LDLRAD4: variants seen among roughly 807,000 people sequenced by gnomAD.
LDLRAD4 encodes the protein low-density lipoprotein receptor class A domain-containing protein 4.
LDLRAD4 carries 5 observed loss-of-function variants against 17.0 expected under a neutral mutation model. That is an observed-to-expected ratio of 0.29 (90% CI 0.15 to 0.62). The LOEUF (loss-of-function observed/expected upper bound fraction) is 0.62. Ranked by LOEUF, LDLRAD4 falls within the 20% of genes least tolerant of loss-of-function variation. The pLI, the probability that LDLRAD4 is intolerant of heterozygous loss-of-function variation, is 0.84. For missense variants in LDLRAD4, 340 were observed against 424.7 expected, an observed-to-expected ratio of 0.80 and a Z score of 1.75; for synonymous variants, 168 against 171.8, an observed-to-expected ratio of 0.98 and a Z score of 0.17.
intron 3 of LDLRAD4, among the ~76,000 whole-genome samples, chr18:13,619,344 C>A (rs765650381): frequency 3.3e-5 from 5 of 152,078 alleles, no homozygotes; most frequent in Middle Eastern, 3.2e-3. Flanking sequence ...CTTCCCATGG[C>A]CTGTGAGCAG....
chr18:13,594,815 T>G (rs1438354781), intron 3 of LDLRAD4, among the ~76,000 whole-genome samples: 2 of 152,128 alleles, frequency 1.3e-5, no homozygotes, highest in Non-Finnish European at 2.9e-5. Flanking sequence ...GAATTAGTAT[T>G]AACTCTTCTT....
intron 3 of LDLRAD4, among the ~76,000 whole-genome samples, chr18:13,442,330 G>A (rs1050143682): frequency 2.0e-5 from 3 of 152,150 alleles, no homozygotes; most frequent in African/African-American, 7.2e-5. Flanking sequence ...CCAGTCATTC[G>A]TAGTTCAGGG....
intron 3 of LDLRAD4, among the ~76,000 whole-genome samples, chr18:13,500,246 A>G (rs2093589738): frequency 6.9e-6 from 1 of 145,924 alleles, no homozygotes; most frequent in Admixed American, 6.8e-5. Flanking sequence ...ACGGCCCGGG[A>G]ATAGCAGCTG....
intron 4 of LDLRAD4, chr18:13,642,775 T>C (rs1297040498): frequency 2.5e-6 from 3 of 1,224,276 alleles, no homozygotes; most frequent in Non-Finnish European, 3.1e-6. Context: ...GAGTGAGCCA[T>C]ATTCCACTTC....
chr18:13,635,804 C>T (rs1001522814), intron 4 of LDLRAD4, among the ~76,000 whole-genome samples: 1 of 152,202 alleles, frequency 6.6e-6, no homozygotes, highest in African/African-American at 2.4e-5. Context: ...CAGGGTGGTC[C>T]CTGGGTCTGG....
chr18:13,580,594 A>G (rs1314552747), intron 3 of LDLRAD4, among the ~76,000 whole-genome samples: 2 of 152,078 alleles, frequency 1.3e-5, no homozygotes, highest in East Asian at 3.9e-4. Flanking sequence ...TGGAATGTGC[A>G]GGCGATGGCA....
At chr18:13,474,424 A>C (rs2146829780) in intron 3 of LDLRAD4, among the ~76,000 whole-genome samples, 1 of 152,320 alleles carries the variant, frequency 6.6e-6, no homozygotes, top group South Asian at 2.1e-4. Flanking sequence ...TGTCAGATTC[A>C]AATGGAAGCA....
chr18:13,651,257 C>A (rs768291496), exon 6 of LDLRAD4: 1 of 152,206 alleles, frequency 6.6e-6, no homozygotes, highest in Non-Finnish European at 1.5e-5. Context: ...CATCTGTGAC[C>A]GTCTGTGTCC....
At chr18:13,260,600 G>C (rs1361949977) in intron 1 of LDLRAD4, among the ~76,000 whole-genome samples, 4 of 152,178 alleles carry the variant, frequency 2.6e-5, no homozygotes, top group African/African-American at 9.7e-5. Context: ...GCATTTCTCT[G>C]ACTCAGCCGA....
At chr18:13,260,658 C>A (rs2043765029) in intron 1 of LDLRAD4, among the ~76,000 whole-genome samples, 1 of 152,208 alleles carries the variant, frequency 6.6e-6, no homozygotes, top group African/African-American at 2.4e-5. Flanking sequence ...GCTATTCTTT[C>A]TGCCACCCTC....
intron 3 of LDLRAD4, among the ~76,000 whole-genome samples, chr18:13,536,023 A>G (rs1269123994): frequency 6.6e-6 from 1 of 152,176 alleles, no homozygotes; most frequent in Admixed American, 6.5e-5. Context: ...GTCTATCTGT[A>G]TACCAATATC....
chr18:13,435,174 G>T (rs1304476315), intron 2 of LDLRAD4, among the ~76,000 whole-genome samples: 1 of 152,238 alleles, frequency 6.6e-6, no homozygotes, highest in African/African-American at 2.4e-5. Context: ...TGGGATGGAG[G>T]TGGAAGCCTG....
chr18:13,524,083 A>G (rs2093993361), intron 3 of LDLRAD4, among the ~76,000 whole-genome samples: 2 of 152,194 alleles, frequency 1.3e-5, no homozygotes, highest in African/African-American at 4.8e-5. Context: ...TCACAAAGGC[A>G]TCTTTAGCTG....
intron 1 of LDLRAD4, among the ~76,000 whole-genome samples, chr18:13,317,904 CAT>C (rs561981205): frequency 0.018 from 2,811 of 152,246 alleles, 35 homozygotes; most frequent in Middle Eastern, 0.075. Context: ...AATTTTTTAT[CAT>C]ATGACACCAA....
intron 3 of LDLRAD4, among the ~76,000 whole-genome samples, chr18:13,590,358 C>T (rs1453007403): frequency 1.3e-5 from 2 of 151,026 alleles, no homozygotes; most frequent in East Asian, 3.9e-4. Context: ...TGTGCGTGTG[C>T]GTGTATGTGC....
At chr18:13,495,163 A>G (rs1174306510) in intron 3 of LDLRAD4, among the ~76,000 whole-genome samples, 1 of 152,222 alleles carries the variant, frequency 6.6e-6, no homozygotes, top group African/African-American at 2.4e-5. Context: ...AAAGACTATT[A>G]AAATTCCAGT....
At chr18:13,620,613 G>C (rs1036479327) in intron 3 of LDLRAD4, among the ~76,000 whole-genome samples, 3 of 152,232 alleles carry the variant, frequency 2.0e-5, no homozygotes, top group Non-Finnish European at 4.4e-5. Context: ...AATCTTTGGG[G>C]TGGTGGTGTC....
At chr18:13,303,057 T>C (rs1169232900) in intron 1 of LDLRAD4, among the ~76,000 whole-genome samples, 1 of 152,184 alleles carries the variant, frequency 6.6e-6, no homozygotes, top group Non-Finnish European at 1.5e-5. Flanking sequence ...TTTAGACTTC[T>C]CCAGTGGCCT....
chr18:13,315,592 C>T (rs2080885914), intron 1 of LDLRAD4, among the ~76,000 whole-genome samples: 1 of 152,016 alleles, frequency 6.6e-6, no homozygotes, highest in Non-Finnish European at 1.5e-5. Context: ...CAAGACCAGC[C>T]TGACCAACAT....
Sources: allele counts gnomAD v4.1 joint callset (sites outside exome capture counted in the v4.1 genomes callset), GRCh38; gene constraint gnomAD v4.1.1; transcripts MANE v1.5; gene names NCBI Gene and HGNC (gene_info 2026-07-23, HGNC 2026-07-21).